The following AMOT variants were observed in gnomAD, a reference collection of about 807,000 sequenced individuals.
The protein encoded by AMOT is angiomotin.
AMOT carries 11 observed loss-of-function variants against 67.0 expected under a neutral mutation model. The ratio of observed to expected loss-of-function variants is 0.16; its 90% confidence interval spans 0.10 to 0.27. The LOEUF is 0.27. AMOT is among the 10% of genes least tolerant of loss of function. The probability of loss-of-function intolerance (pLI) is 1.00; values close to 1 mark genes in which losing one functional copy is unlikely to be tolerated. For synonymous variants in AMOT, 326 were observed against 321.4 expected, an observed-to-expected ratio of 1.01 and a Z score of -0.15; for missense variants, 753 against 852.0, an observed-to-expected ratio of 0.88 and a Z score of 1.45.
At position 112,779,106 on chromosome X, in the gene AMOT, T is replaced by TGGAGCTGGAGTTGGAGCCACAGCC. The variant is rs1933019909; in HGVS notation, c.3024_3047dup (p.Ala1009_Pro1016dup). Reference sequence around the variant, plus strand: ...CCTGAGCCACAGCTGGAGTTGGAGTTGGAGCTGGAGTTGGAGCCACAGCCG... The same window carrying TGGAGCTGGAGTTGGAGCCACAGCC: ...CCTGAGCCACAGCTGGAGTTGGAGTTGGAGCTGGAGTTGGAGCCACAGCCGGAGCTGGAGTTGGAGCCACAGCCG... On this transcript the variant is annotated inframe_insertion, in exon 13 of 14. Transcript: ENST00000371959. 9.4e-6 allele frequency: 11 copies of TGGAGCTGGAGTTGGAGCCACAGCC among 1,168,524 alleles called. No individual in the cohort carries two copies. In the East Asian group the frequency reaches 3.0e-4, roughly 32 times the overall value.
At chrX:112,803,104 G>A (rs758342551) in intron 8 of AMOT, among the ~76,000 whole-genome samples, 1 of 111,244 alleles carries the variant, frequency 9.0e-6, no homozygotes, top group East Asian at 2.8e-4. Flanking sequence ...AGAAAGGCCC[G>A]ACGAGTGAAG....
rs1308280433 is a variant in AMOT, at chrX:112,775,422, G to C, written c.*3145C>G. On this transcript the variant is annotated 3_prime_UTR_variant, in exon 14 of 14. Transcript: ENST00000371959. ...ACACTTTAAGCTGCCGCATTATGAG[G>C]GTTTAGGCTTGTCATAAAAAGTAGT... 8.9e-6 allele frequency: 1 copy of C among 112,383 alleles called. No homozygotes were observed. Among genetic ancestry groups the C allele is most frequent in the African/African-American group, 3.2e-5 (1 of 30,861 alleles). 9.3% of individuals were successfully genotyped at this position (112,383 alleles called of 1,213,427 possible).
At chrX:112,778,787 T>C in intron 13 of AMOT, 123 bp from the exon 14 acceptor site, 1 of 710,563 alleles carries the variant, frequency 1.4e-6, no homozygotes, top group Non-Finnish European at 2.1e-6. Flanking sequence ...GCCACCTCCC[T>C]CATTTACTTC....
chrX:112,779,689 G>C lies in AMOT; in HGVS notation c.2474-9C>G, dbSNP rs968109200. On this transcript the variant is annotated splice_polypyrimidine_tract_variant and intron_variant, in intron 12 of 13. Coordinates refer to ENST00000371959, the MANE Select transcript of AMOT (RefSeq NM_001113490.2). ...TCCACCCAGGAGAATGCCTACAAATGAAAGAGGAACAGATGTTAGAAAACA... is the reference window on the plus strand; with the variant it reads ...TCCACCCAGGAGAATGCCTACAAATCAAAGAGGAACAGATGTTAGAAAACA... The C allele has an allele frequency of 1.5e-5, 18 of 1,163,546 alleles. No homozygotes were observed. The highest frequency in any genetic ancestry group is 1.9e-5 in the Non-Finnish European group (16 of 862,028).
chrX:112,837,513 CT>C (rs1039266921), intron 1 of AMOT, among the ~76,000 whole-genome samples: 3 of 109,443 alleles, frequency 2.7e-5, no homozygotes, highest in African/African-American at 9.9e-5. Context: ...TTTTCTTTTT[CT>C]TTTTTTTTGT....
At chrX:112,806,468 A>G (rs1934195068) in intron 7 of AMOT, among the ~76,000 whole-genome samples, 1 of 108,699 alleles carries the variant, frequency 9.2e-6, no homozygotes, top group African/African-American at 3.4e-5. Context: ...CTATGACCTT[A>G]GAATGGAAGA....
chrX:112,822,769 G>A lies in AMOT; in HGVS notation c.358C>T (p.Arg120Trp). 1.7e-6 allele frequency: 2 copies of A among 1,167,298 alleles called. No individual in the cohort carries two copies. Among genetic ancestry groups the A allele is most frequent in the Non-Finnish European group, 2.3e-6 (2 of 873,024 alleles). ...CCAACACTGGCATGCTGTTGGCCCC[G>A]AAAGTACTGGGACTGGACCTTGGCT... is the stretch of plus-strand genomic sequence containing the variant. ...EEAKVQSQYF[R>W]GQQHASVGAA... Residue 120 changes from arginine (R) to tryptophan (W), a missense_variant, in exon 4 of 14, where the codon CGG (arginine) becomes TGG (tryptophan). Transcript: ENST00000371959.
At chrX:112,834,994 T>C (rs1293737404) in intron 1 of AMOT, among the ~76,000 whole-genome samples, 4 of 112,114 alleles carry the variant, frequency 3.6e-5, no homozygotes, top group Non-Finnish European at 5.6e-5. Context: ...TTACAGTCAG[T>C]AAGGCAATGG....
At chrX:112,819,262 C>T in intron 4 of AMOT, 3 of 540,317 alleles carry the variant, frequency 5.6e-6, no homozygotes, top group Non-Finnish European at 6.8e-6. Flanking sequence ...ATGTGCAATC[C>T]TGCACACACA....
At chrX:112,803,429 G>C (rs747437851) in intron 8 of AMOT, among the ~76,000 whole-genome samples, 1 of 112,379 alleles carries the variant, frequency 8.9e-6, no homozygotes, top group Admixed American at 9.4e-5. Context: ...ATGGGGTGTA[G>C]CAAAAGGATG....
At chrX:112,816,382 C>G (rs777840026) in intron 4 of AMOT, among the ~76,000 whole-genome samples, 7 of 110,829 alleles carry the variant, frequency 6.3e-5, no homozygotes, top group Non-Finnish European at 9.4e-5. Flanking sequence ...ATCTGCAACT[C>G]CCTTTAGTAA....
rs1385293107 is a variant in AMOT at position 112,822,768 on chromosome X, C to T, written c.359G>A (p.Arg120Gln). The change falls in exon 4 of 14, where the codon CGG (arginine) becomes CAG (glutamine). Residue 120 changes from arginine (R) to glutamine (Q), a missense_variant. Arg to Gln is a conservative substitution (Grantham distance 43). Coordinates refer to ENST00000371959, the MANE Select transcript of AMOT (RefSeq NM_001113490.2). ...TCCAACACTGGCATGCTGTTGGCCC[C>T]GAAAGTACTGGGACTGGACCTTGGC... Reference protein sequence around the residue: ...EEAKVQSQYFRGQQHASVGAA... With the variant: ...EEAKVQSQYFQGQQHASVGAA... 13 of 1,164,894 alleles carry T rather than the reference C, an allele frequency of 1.1e-5. No homozygotes were observed. Among genetic ancestry groups the T allele is most frequent in the Admixed American group, 2.6e-5 (1 of 38,299 alleles).
intron 2 of AMOT, among the ~76,000 whole-genome samples, chrX:112,830,108 T>A (rs1934949921): frequency 8.9e-6 from 1 of 112,374 alleles, no homozygotes; most frequent in Admixed American, 9.5e-5. Flanking sequence ...AGCATGCATT[T>A]ATTTTTAATA....
At chrX:112,805,832 C>G (rs778411046) in intron 7 of AMOT, among the ~76,000 whole-genome samples, 4 of 112,136 alleles carry the variant, frequency 3.6e-5, no homozygotes, top group Non-Finnish European at 7.5e-5. Context: ...CTGTAAAGAA[C>G]AGGGCAAAGT....
In AMOT at chrX:112,829,424, T is replaced by G. The variant is rs750007077; in HGVS notation, c.-212+2870A>C. Among the ~76,000 whole-genome samples the G allele has an allele frequency of 2.7e-5, 3 of 111,638 alleles. No individual in the cohort carries two copies. In the East Asian group the frequency reaches 8.4e-4, roughly 31 times the overall value. ...CCTTCTGCCATGATTGCAAGCTTCC[T>G]GAGGCCCCCGCCCCAAAGCCAAGTA... is the stretch of plus-strand genomic sequence containing the variant. On this transcript the variant is annotated intron_variant, in intron 2 of 13. Coordinates refer to ENST00000371959, the MANE Select transcript of AMOT (RefSeq NM_001113490.2).
chrX:112,792,112 A>G, intron 8 of AMOT, 131 bp from the exon 9 acceptor site: 1 of 742,492 alleles, frequency 1.3e-6, no homozygotes, highest in Non-Finnish European at 2.0e-6. Context: ...GCAAAAAGGA[A>G]TGGATGGCGA....
intron 10 of AMOT, 79 bp downstream of exon 10, chrX:112,790,513 A>G (rs1933531601): frequency 9.5e-7 from 1 of 1,048,343 alleles, no homozygotes; most frequent in Non-Finnish European, 1.3e-6. Context: ...AATATTAAAG[A>G]AAATAAAACA....
chrX:112,819,467 T>C (rs1934657396), intron 4 of AMOT: 1 of 688,728 alleles, frequency 1.5e-6, no homozygotes, highest in African/African-American at 2.4e-5. Context: ...TAGATTCCAC[T>C]AAACAAGGAT....
At position 112,777,692 on chromosome X, in the gene AMOT, T is replaced by C. The variant is rs1932973295; in HGVS notation, c.*875A>G. The C allele has an allele frequency of 9.0e-6, 1 of 111,633 alleles. No individual in the cohort carries two copies. The allele number at this position is 111,633 out of a possible 1,213,427, so 9.2% of individuals were successfully genotyped here. The stretch of plus-strand genomic sequence containing the variant: ...CACTAAGCTGATTGGTCTTACTAAA[T>C]GCAAGCAAGCTGTGTTCATGGCTAC... On this transcript the variant is annotated 3_prime_UTR_variant, in exon 14 of 14. Transcript: ENST00000371959.
Sources: gnomAD v4.1 joint callset for allele counts (sites outside exome capture counted in the v4.1 genomes callset) on GRCh38, gnomAD v4.1.1 for gene constraint, MANE v1.5 for transcripts, NCBI Gene and HGNC (gene_info 2026-07-23, HGNC 2026-07-21) for gene names.